Variants in ZBED6 observed in about 807,000 individuals in gnomAD.
ZBED6 encodes zinc finger BED-type containing 6.
In ZBED6, 40 loss-of-function variants were observed where a neutral mutation model predicts 58.4. The observed-to-expected ratio is 0.68, with a 90% CI of 0.53 to 0.89. The LOEUF is 0.89. ZBED6 is among the 40% of genes least tolerant of loss of function. The pLI, the probability that ZBED6 is intolerant of heterozygous loss-of-function variation, is 0.00. For synonymous variants in ZBED6, 439 were observed against 350.6 expected, an observed-to-expected ratio of 1.25 and a Z score of -2.82; for missense variants, 1,057 against 1,003.9, an observed-to-expected ratio of 1.05 and a Z score of -0.71.
intron 1 of ZBED6, among the ~76,000 whole-genome samples, chr1:203,811,837 T>C (rs1034802851): frequency 4.6e-5 from 7 of 151,382 alleles, no homozygotes; most frequent in East Asian, 3.9e-4. Context: ...TTTTTTTTTT[T>C]AGACAGGTCT....
chr1:203,838,385 G>T (rs1231373201), intron 10 of ZBED6, among the ~76,000 whole-genome samples: 1 of 152,190 alleles, frequency 6.6e-6, no homozygotes, highest in African/African-American at 2.4e-5. Context: ...ATTACCATCT[G>T]TTAGGGGAAG....
chr1:203,841,930 G>T (rs1221138759), intron 11 of ZBED6, among the ~76,000 whole-genome samples: 1 of 147,892 alleles, frequency 6.8e-6, no homozygotes, highest in Non-Finnish European at 1.5e-5. Context: ...TGGGGTGGCG[G>T]TCGGGCAGAG....
chr1:203,838,347 A>T (rs1311279637), intron 10 of ZBED6, among the ~76,000 whole-genome samples: 1 of 152,232 alleles, frequency 6.6e-6, no homozygotes, highest in Non-Finnish European at 1.5e-5. Context: ...ACACAGTGTT[A>T]TGGTAACACA....
At chr1:203,822,942 G>A (rs899727722) in intron 3 of ZBED6, among the ~76,000 whole-genome samples, 2 of 152,134 alleles carry the variant, frequency 1.3e-5, no homozygotes, top group African/African-American at 4.8e-5. Flanking sequence ...CATGTGCCTG[G>A]GGTCAGCTAC....
At chr1:203,803,334 G>A (rs952053503) in intron 1 of ZBED6, among the ~76,000 whole-genome samples, 1 of 152,042 alleles carries the variant, frequency 6.6e-6, no homozygotes, top group African/African-American at 2.4e-5. Flanking sequence ...TGGGATTACA[G>A]ATGTGCACCA....
chr1:203,800,534 TATAATC>T (rs1174516748), exon 1 of ZBED6: 2 of 1,349,474 alleles, frequency 1.5e-6, no homozygotes, highest in Non-Finnish European at 1.9e-6. Context: ...AGTTGTTAAA[TATAATC>T]ATTATCTTTA....
chr1:203,813,667 A>G (rs1382702618), intron 1 of ZBED6, among the ~76,000 whole-genome samples: 1 of 152,144 alleles, frequency 6.6e-6, no homozygotes, highest in Non-Finnish European at 1.5e-5. Context: ...TGAGATGTCT[A>G]AAATGTTTTC....
At chr1:203,842,139 C>G (rs936769883) in intron 11 of ZBED6, among the ~76,000 whole-genome samples, 2 of 151,684 alleles carry the variant, frequency 1.3e-5, no homozygotes, top group Non-Finnish European at 2.9e-5. Flanking sequence ...CGGAAGGGCT[C>G]CTCACATCCC....
chr1:203,847,463 A>G lies in ZBED6; in HGVS notation c.*4021A>G, dbSNP rs150340964. On this transcript the variant is annotated 3_prime_UTR_variant, in exon 12 of 17. Transcript: ENST00000550078. ...AAGCTAAAGATTGATAGTGAAATTA[A>G]AAAAACAGTAGTTTTGCCACCCATT... 382 of 1,613,990 alleles carry G rather than the reference A, an allele frequency of 2.4e-4. 2 individuals are homozygous for G. In the African/African-American group the frequency reaches 4.8e-3, roughly 20 times the overall value.
intron 9 of ZBED6, chr1:203,835,650 A>G: frequency 4.6e-6 from 1 of 216,076 alleles, no homozygotes; most frequent in Non-Finnish European, 1.0e-5. Flanking sequence ...ATTGCTTTGG[A>G]ATTTGGCATG....
exon 12 of ZBED6, chr1:203,847,664 T>C (rs773518090): frequency 8.7e-6 from 14 of 1,612,292 alleles, no homozygotes; most frequent in Non-Finnish European, 5.1e-6. Context: ...GCAAGGCGGC[T>C]GCTGCGAATC....
At chr1:203,841,712 A>C (rs1412028088) in intron 11 of ZBED6, among the ~76,000 whole-genome samples, 1 of 151,864 alleles carries the variant, frequency 6.6e-6, no homozygotes, top group Non-Finnish European at 1.5e-5. Flanking sequence ...GGGGCTCCTC[A>C]CTTCCCAGAT....
At chr1:203,795,663 A>G (rs1175411219), upstream of ZBED6, 1 of 152,218 alleles carries the variant, frequency 6.6e-6, no homozygotes, top group Non-Finnish European at 1.5e-5. Flanking sequence ...TGACGCTGGC[A>G]GTCTTGGTTT....
chr1:203,818,605 A>G, exon 3 of ZBED6: 1 of 1,614,152 alleles, frequency 6.2e-7, no homozygotes, highest in Middle Eastern at 1.6e-4. Flanking sequence ...GTGAAGCTGC[A>G]ATAGGAAATG....
chr1:203,852,711 C>G (rs1689559079), exon 17 of ZBED6: 1 of 355,584 alleles, frequency 2.8e-6, no homozygotes, highest in Non-Finnish European at 5.2e-6. Flanking sequence ...AACTTAGTGA[C>G]TCCTTGAGGT....
intron 3 of ZBED6, among the ~76,000 whole-genome samples, chr1:203,820,969 T>TC (rs1255210237): frequency 1.1e-4 from 17 of 152,128 alleles, no homozygotes; most frequent in African/African-American, 4.1e-4. Context: ...TCATCAGACT[T>TC]CAACTTTTTC....
chr1:203,826,548 G>A (rs1267398008), intron 3 of ZBED6, among the ~76,000 whole-genome samples: 1 of 151,984 alleles, frequency 6.6e-6, no homozygotes, highest in East Asian at 1.9e-4. Flanking sequence ...ATTCTTCCAC[G>A]TCCCTGAAAA....
rs750401100 is a variant in ZBED6 at position 203,798,705 on chromosome 1, C to T, written c.1183C>T (p.Gln395Ter). The T allele has an allele frequency of 6.5e-7, 1 of 1,536,074 alleles. No individual in the cohort carries two copies. The highest frequency in any genetic ancestry group is 1.2e-5 in the South Asian group (1 of 84,052). Residue 395 changes from glutamine (Q) to a stop codon, truncating the protein, a stop_gained, in exon 1 of 17, where the codon CAG (glutamine) becomes TAG (stop). Coordinates refer to ENST00000550078, the Ensembl canonical transcript of ZBED6. LOFTEE classifies it high-confidence loss of function. The stretch of plus-strand genomic sequence containing the variant: ...AGAGCAAGGCACTCTGATGCGTGCG[C>T]AGGAGAGAGAAACAACATGTTGTGG...
intron 3 of ZBED6, among the ~76,000 whole-genome samples, chr1:203,821,219 A>G (rs1678561525): frequency 6.6e-6 from 1 of 151,930 alleles, no homozygotes; most frequent in South Asian, 2.1e-4. Context: ...GCCATGTAAG[A>G]CTTGTTTGTG....
Sources: gnomAD v4.1 joint callset for allele counts (sites outside exome capture counted in the v4.1 genomes callset) on GRCh38, gnomAD v4.1.1 for gene constraint, MANE v1.5 for transcripts, NCBI Gene and HGNC (gene_info 2026-07-23, HGNC 2026-07-21) for gene names.